Variants in PHACTR2 observed in about 807,000 individuals in gnomAD.
PHACTR2 encodes the protein chromosome 6 open reading frame 56.
In PHACTR2, 30 loss-of-function variants were observed where a neutral mutation model predicts 76.0. That is an observed-to-expected ratio of 0.39 (90% CI 0.30 to 0.54). PHACTR2 has a LOEUF of 0.54. PHACTR2 is among the 20% of genes least tolerant of loss of function. PHACTR2 has a pLI of 0.61. For synonymous variants in PHACTR2, 292 were observed against 292.5 expected (o/e 1.00, Z 0.02); for missense variants, 696 against 781.1 (o/e 0.89, Z 1.30).
Position 143,752,914 on chromosome 6 carries a change from G to T in PHACTR2, c.296-840G>T, listed in dbSNP as rs972959733. Reference sequence around the variant, plus strand: ...CTTTTCAAGAATCACTGAATTAAATGTTTCTGCAAAGTCTCTTTCACTTTA... The same window carrying T: ...CTTTTCAAGAATCACTGAATTAAATTTTTCTGCAAAGTCTCTTTCACTTTA... On this transcript the variant is annotated intron_variant, in intron 3 of 12. Transcript: ENST00000440869. Among the ~76,000 whole-genome samples the T allele has an allele frequency of 5.3e-5, 8 of 152,110 alleles. No homozygotes were observed. The South Asian group carries it at 1.7e-3, about 32-fold the overall frequency.
In PHACTR2 at chr6:143,572,645, C is replaced by T. The variant is rs143832874; in HGVS notation, c.217+35438C>T. On this transcript the variant is annotated intron_variant, in intron 1 of 11. Coordinates refer to the PHACTR2 transcript ENST00000367584. ...TAGGCTCATTGCAACCTCCACCTCC[C>T]GGGCTCAAGCAATCCTCATGCCTCA... Among the ~76,000 whole-genome samples, 1,466 of 152,220 alleles carry T rather than the reference C, an allele frequency of 9.6e-3. 30 individuals carry two copies. Among genetic ancestry groups the T allele is most frequent in the African/African-American group, 0.031 (1,292 of 41,528 alleles).
At chr6:143,630,966 C>G (rs888070399) in intron 1 of PHACTR2, among the ~76,000 whole-genome samples, 3 of 152,204 alleles carry the variant, frequency 2.0e-5, no homozygotes, top group Admixed American at 6.5e-5. Context: ...GTGACACAAA[C>G]TGTAGCAACA....
rs1775967115 is a variant in PHACTR2 at position 143,611,085 on chromosome 6, T to C, written c.13+2763T>C. On this transcript the variant is annotated intron_variant, in intron 1 of 11. Transcript: ENST00000305766. The surrounding 1 kb of genome is among the most constrained non-coding windows in gnomAD (Gnocchi z 4.4). ...ATAAGACATTCAGAGGCAAAGTTGA[T>C]TGGTGTGTGTTTTTTATCTGAAACA... Among the ~76,000 whole-genome samples the C allele has an allele frequency of 6.6e-6, 1 of 152,134 alleles. No individual in the cohort carries two copies. Among genetic ancestry groups the C allele is most frequent in the Non-Finnish European group, 1.5e-5 (1 of 68,024 alleles).
At chr6:143,810,559 T>G in intron 12 of PHACTR2, 1 of 454,836 alleles carries the variant, frequency 2.2e-6, no homozygotes, top group Non-Finnish European at 4.4e-6. Context: ...ACTTATTTTT[T>G]ATTATTTGAT....
Position 143,591,547 on chromosome 6 carries a change from C to G in PHACTR2, c.217+54340C>G, listed in dbSNP as rs561172614. 2.6e-5 allele frequency among the ~76,000 whole-genome samples: 4 copies of G among 152,262 alleles called. No individual in the cohort carries two copies. Among genetic ancestry groups the G allele is most frequent in the Non-Finnish European group, 5.9e-5 (4 of 68,004 alleles). ...TTTCCAAGAGCAGCATGAACACAGC[C>G]CAGAGAGGCCGCAGACCTGAGGCTG... On this transcript the variant is annotated intron_variant, in intron 1 of 11. Coordinates refer to the PHACTR2 transcript ENST00000367584. The surrounding 1 kb of genome is among the most constrained non-coding windows in gnomAD (Gnocchi z 6.4).
Position 143,700,993 on chromosome 6 carries a change from G to A in PHACTR2, c.47-11023G>A, listed in dbSNP as rs965920775. Among the ~76,000 whole-genome samples, 4 of 152,212 alleles carry A rather than the reference G, an allele frequency of 2.6e-5. No individual in the cohort carries two copies. The highest frequency in any genetic ancestry group is 9.7e-5 in the African/African-American group (4 of 41,448). ...TAGCGATAACAGTGGCATTCAAAAC[G>A]TAAAATGCTTTTATTTACATTAAAA... On this transcript the variant is annotated intron_variant, in intron 1 of 12. Coordinates refer to ENST00000440869, the MANE Select transcript of PHACTR2 (RefSeq NM_001100164.2). The surrounding 1 kb of genome is among the most constrained non-coding windows in gnomAD (Gnocchi z 4.1).
At position 143,656,866 on chromosome 6, in the gene PHACTR2, T is replaced by C. The variant is rs567429368; in HGVS notation, c.13+48544T>C. 6.6e-6 allele frequency among the ~76,000 whole-genome samples: 1 copy of C among 152,322 alleles called. No individual in the cohort carries two copies. Among genetic ancestry groups the C allele is most frequent in the South Asian group, 2.1e-4 (1 of 4,828 alleles). On this transcript the variant is annotated intron_variant, in intron 1 of 11. Coordinates refer to the PHACTR2 transcript ENST00000305766. This position sits in a 1 kb window ranked among gnomAD's most constrained non-coding sequence, Gnocchi z 5.3. ...AAAAAACTATCTGCCAGGTTTCAAA[T>C]GAACATAGGCTTGATTGGCCACACG...
chr6:143,645,237 G>A (rs1242253781), intron 1 of PHACTR2, among the ~76,000 whole-genome samples: 1 of 151,838 alleles, frequency 6.6e-6, no homozygotes, highest in Non-Finnish European at 1.5e-5. Context: ...CAGAAATATG[G>A]AGCCAGCCCA....
rs1486543568 is a variant in PHACTR2 at position 143,807,843 on chromosome 6, C to T, written c.1922+710C>T. Among the ~76,000 whole-genome samples, 2 of 152,212 alleles carry T rather than the reference C, an allele frequency of 1.3e-5. No individual in the cohort carries two copies. Among genetic ancestry groups the T allele is most frequent in the African/African-American group, 2.4e-5 (1 of 41,460 alleles). On this transcript the variant is annotated intron_variant, in intron 12 of 12. Coordinates refer to ENST00000440869, the MANE Select transcript of PHACTR2 (RefSeq NM_001100164.2). This position sits in a 1 kb window ranked among gnomAD's most constrained non-coding sequence, Gnocchi z 5.5. ...ATTGATCCCCTAAGCTACAGCCATACATCCTGGTGCCACTGTTCCTGCAGT... is the reference window on the plus strand; with the variant it reads ...ATTGATCCCCTAAGCTACAGCCATATATCCTGGTGCCACTGTTCCTGCAGT...
At chr6:143,609,353 A>G (rs995392153) in intron 1 of PHACTR2, among the ~76,000 whole-genome samples, 3 of 152,248 alleles carry the variant, frequency 2.0e-5, no homozygotes, top group Non-Finnish European at 4.4e-5. Context: ...AAACTCTGTG[A>G]CTAACATTAT....
In PHACTR2 at chr6:143,617,368, C is replaced by A. The variant is rs1393080788; in HGVS notation, c.13+9046C>A. On this transcript the variant is annotated intron_variant, in intron 1 of 11. Transcript: ENST00000305766. The surrounding 1 kb of genome is among the most constrained non-coding windows in gnomAD (Gnocchi z 4.8). ...GATTTAAAAGTCTTGAGGGCAGATGCCACATCATAGACATCTTTTATGTCT... is the reference window on the plus strand; with the variant it reads ...GATTTAAAAGTCTTGAGGGCAGATGACACATCATAGACATCTTTTATGTCT... Among the ~76,000 whole-genome samples, 1 of 152,186 alleles carries A rather than the reference C, an allele frequency of 6.6e-6. No individual in the cohort carries two copies. The highest frequency in any genetic ancestry group is 2.4e-5 in the African/African-American group (1 of 41,440).
chr6:143,796,730 G>A (rs1007891344), intron 11 of PHACTR2, among the ~76,000 whole-genome samples: 2 of 152,154 alleles, frequency 1.3e-5, no homozygotes, highest in Non-Finnish European at 2.9e-5. Context: ...TCCCTGCAAA[G>A]GACATCAACT....
chr6:143,746,772 G>A (rs1204808275), intron 2 of PHACTR2, among the ~76,000 whole-genome samples: 1 of 151,808 alleles, frequency 6.6e-6, no homozygotes, highest in Non-Finnish European at 1.5e-5. Flanking sequence ...TTGACAAGAG[G>A]CCGAACAAAT....
chr6:143,635,643 T>C (rs1379545087), intron 1 of PHACTR2, among the ~76,000 whole-genome samples: 1 of 152,198 alleles, frequency 6.6e-6, no homozygotes, highest in East Asian at 1.9e-4. Flanking sequence ...ATTATTGTTT[T>C]AATTTGTTTT....
rs891268849 is a variant in PHACTR2 at position 143,784,684 on chromosome 6, C to T, written c.1707+1404C>T. 6.6e-6 allele frequency among the ~76,000 whole-genome samples: 1 copy of T among 152,102 alleles called. No homozygotes were observed. Among genetic ancestry groups the T allele is most frequent in the African/African-American group, 2.4e-5 (1 of 41,410 alleles). On this transcript the variant is annotated intron_variant, in intron 10 of 12. Coordinates refer to ENST00000440869, the MANE Select transcript of PHACTR2 (RefSeq NM_001100164.2). This position sits in a 1 kb window ranked among gnomAD's most constrained non-coding sequence, Gnocchi z 4.5. The stretch of plus-strand genomic sequence containing the variant: ...ACTGCTGATAAAGACACACCTGAGA[C>T]TGGGAAGAAAAAGAGATTTAATTGG...
chr6:143,573,993 C>T (rs893895491), intron 1 of PHACTR2, among the ~76,000 whole-genome samples: 1 of 152,198 alleles, frequency 6.6e-6, no homozygotes, highest in Non-Finnish European at 1.5e-5. Context: ...CAGGAGCCTG[C>T]GAGCAGCTCA....
Position 143,546,651 on chromosome 6 carries a change from C to T in PHACTR2, c.217+9444C>T, listed in dbSNP as rs1428879306. On this transcript the variant is annotated intron_variant, in intron 1 of 11. Transcript: ENST00000367584. The surrounding 1 kb of genome is among the most constrained non-coding windows in gnomAD (Gnocchi z 4.9). ...AACAAACATATTAAACCCCTTTTCT[C>T]CAAACTACTGGTCATTATAAATCTT... Among the ~76,000 whole-genome samples the T allele has an allele frequency of 6.6e-6, 1 of 152,060 alleles. No homozygotes were observed. Among genetic ancestry groups the T allele is most frequent in the East Asian group, 1.9e-4 (1 of 5,190 alleles).
intron 1 of PHACTR2, among the ~76,000 whole-genome samples, chr6:143,690,762 T>C (rs1056937301): frequency 8.5e-5 from 13 of 152,220 alleles, no homozygotes; most frequent in African/African-American, 3.1e-4. Flanking sequence ...CTAAAAAATA[T>C]TTTATGGACG....
intron 9 of PHACTR2, among the ~76,000 whole-genome samples, chr6:143,781,392 G>T (rs1034487424): frequency 1.3e-5 from 2 of 152,068 alleles, no homozygotes; most frequent in East Asian, 1.9e-4. Context: ...ATTTAATGAC[G>T]ACTGGAGCAT....
Sources: allele counts gnomAD v4.1 joint callset (sites outside exome capture counted in the v4.1 genomes callset), GRCh38; gene constraint gnomAD v4.1.1; non-coding constraint Gnocchi (gnomAD v3.1); transcripts MANE v1.5; gene names NCBI Gene and HGNC (gene_info 2026-07-23, HGNC 2026-07-21).